Variants in ROBO1 observed in about 807,000 individuals in gnomAD.
The protein encoded by ROBO1 is roundabout guidance receptor 1, also known as roundabout homolog 1.
Under a neutral mutation model 195.9 loss-of-function variants are expected in ROBO1, and 149 were observed. That is an observed-to-expected ratio of 0.76 (90% CI 0.67 to 0.87). The LOEUF (loss-of-function observed/expected upper bound fraction) is 0.87. ROBO1 is among the 40% of genes least tolerant of loss of function. The probability of loss-of-function intolerance (pLI) is 0.00; values close to 1 mark genes in which losing one functional copy is unlikely to be tolerated. For missense variants in ROBO1, 1,933 were observed against 2,068.3 expected (o/e 0.93, Z 1.27); for synonymous variants, 816 against 733.2 (o/e 1.11, Z -1.82).
intron 24 of ROBO1, among the ~76,000 whole-genome samples, chr3:78,633,572 G>A (rs537334062): frequency 3.3e-5 from 5 of 152,116 alleles, no homozygotes; most frequent in Admixed American, 6.6e-5. Context: ...TTATAGGCTC[G>A]TTTCAAATGG....
At chr3:79,490,137 AT>A (rs1365323851) in intron 2 of ROBO1, among the ~76,000 whole-genome samples, 2 of 152,114 alleles carry the variant, frequency 1.3e-5, no homozygotes, top group South Asian at 2.1e-4. Flanking sequence ...CTTTCCTATA[AT>A]TTCCGTGGTT....
rs187515867 is a variant in ROBO1, at chr3:79,117,836, G to C, written c.172+7620C>G. On this transcript the variant is annotated intron_variant, in intron 3 of 30. Coordinates refer to ENST00000464233, the MANE Select transcript of ROBO1 (RefSeq NM_002941.4). ...ATGATAGTGAAAAAAATATTTACAG[G>C]AATAAGTACAAGGAGAAAAATTCAT... Among the ~76,000 whole-genome samples the C allele has an allele frequency of 5.1e-3, 779 of 152,178 alleles. 1 individual carries two copies. The highest frequency in any genetic ancestry group is 8.6e-3 in the Non-Finnish European group (584 of 67,998).
chr3:78,743,875 T>C (rs2082592363), intron 5 of ROBO1, among the ~76,000 whole-genome samples: 1 of 152,006 alleles, frequency 6.6e-6, no homozygotes, highest in Admixed American at 6.6e-5. Flanking sequence ...GCTGAAAAAG[T>C]CAAACAGGTC....
At chr3:78,945,769 G>A (rs2040400376) in intron 3 of ROBO1, among the ~76,000 whole-genome samples, 1 of 152,120 alleles carries the variant, frequency 6.6e-6, no homozygotes, top group East Asian at 1.9e-4. Context: ...TAAAAGCTTT[G>A]AAAAAATATT....
chr3:79,313,973 G>T (rs1297109680), intron 2 of ROBO1, among the ~76,000 whole-genome samples: 1 of 152,054 alleles, frequency 6.6e-6, no homozygotes, highest in Non-Finnish European at 1.5e-5. Flanking sequence ...AGCAGCTTAG[G>T]CATTATTTAT....
intron 1 of ROBO1, among the ~76,000 whole-genome samples, chr3:79,601,968 T>A (rs1021435422): frequency 6.6e-6 from 1 of 151,988 alleles, no homozygotes; most frequent in African/African-American, 2.4e-5. Flanking sequence ...AACTATGTTT[T>A]TATAGCTATT....
At chr3:79,059,136 T>C (rs114508740) in intron 3 of ROBO1, among the ~76,000 whole-genome samples, 5,987 of 152,226 alleles carry the variant, frequency 0.039, 161 homozygotes, top group South Asian at 0.097. Flanking sequence ...TTCAGATTTC[T>C]TCATCACCCC....
intron 1 of ROBO1, among the ~76,000 whole-genome samples, chr3:79,672,920 G>T (rs1422496755): frequency 6.6e-6 from 1 of 151,972 alleles, no homozygotes; most frequent in East Asian, 1.9e-4. Flanking sequence ...GAAGCTCAGA[G>T]TGATAGCCTG....
intron 2 of ROBO1, among the ~76,000 whole-genome samples, chr3:79,467,739 G>A (rs1194519996): frequency 1.3e-5 from 2 of 152,102 alleles, no homozygotes; most frequent in East Asian, 3.9e-4. Context: ...AAGAACCTGG[G>A]TAGCAAGTGG....
At chr3:79,598,739 A>G (rs779118792) in intron 1 of ROBO1, among the ~76,000 whole-genome samples, 4 of 151,866 alleles carry the variant, frequency 2.6e-5, no homozygotes, top group Non-Finnish European at 5.9e-5. Context: ...GCAAGCTTAG[A>G]TCCCCCTACT....
At chr3:78,618,939 G>C (rs917510909) in intron 26 of ROBO1, among the ~76,000 whole-genome samples, 1 of 152,140 alleles carries the variant, frequency 6.6e-6, no homozygotes, top group East Asian at 1.9e-4. Flanking sequence ...ATAGATGACC[G>C]AGAAGGTATA....
chr3:78,675,900 G>A (rs571152216), intron 10 of ROBO1, among the ~76,000 whole-genome samples: 29 of 152,168 alleles, frequency 1.9e-4, no homozygotes, highest in African/African-American at 6.7e-4. Context: ...CCTGACCCCC[G>A]AGCAGCCTAA....
chr3:78,947,545 G>A (rs2040515376), intron 3 of ROBO1, among the ~76,000 whole-genome samples: 1 of 152,132 alleles, frequency 6.6e-6, no homozygotes, highest in Admixed American at 6.5e-5. Context: ...GAAATTTATA[G>A]CACTAAATGC....
At chr3:79,756,621 C>G (rs1704420023) in intron 1 of ROBO1, among the ~76,000 whole-genome samples, 1 of 150,560 alleles carries the variant, frequency 6.6e-6, no homozygotes, top group East Asian at 1.9e-4. Context: ...AAAAATGATT[C>G]CATAATAAAT....
intron 2 of ROBO1, among the ~76,000 whole-genome samples, chr3:79,303,362 C>T (rs1006043484): frequency 7.2e-5 from 11 of 151,868 alleles, no homozygotes; most frequent in Non-Finnish European, 1.5e-4. Context: ...GACGGGGTTT[C>T]GCCACGTTGG....
At chr3:79,209,472 A>G (rs1381244121) in intron 2 of ROBO1, among the ~76,000 whole-genome samples, 1 of 151,254 alleles carries the variant, frequency 6.6e-6, no homozygotes, top group Non-Finnish European at 1.5e-5. Context: ...TGTTTTTTTT[A>G]TTTTTTTATA....
rs546264415 is a variant in ROBO1 at position 79,262,271 on chromosome 3, A to G, written c.89-136732T>C. Among the ~76,000 whole-genome samples the G allele has an allele frequency of 1.5e-3, 233 of 152,202 alleles. 1 individual carries two copies. Among genetic ancestry groups the G allele is most frequent in the African/African-American group, 5.3e-3 (220 of 41,568 alleles). On this transcript the variant is annotated intron_variant, in intron 2 of 30. Transcript: ENST00000464233. ...TTTTGCTCTAGAAAATCAGCAGGAAATGGGGGCTCTTCACTTTGGCTTCAC... is the reference window on the plus strand; with the variant it reads ...TTTTGCTCTAGAAAATCAGCAGGAAGTGGGGGCTCTTCACTTTGGCTTCAC...
intron 1 of ROBO1, among the ~76,000 whole-genome samples, chr3:79,740,552 G>A (rs951174999): frequency 4.6e-5 from 7 of 152,104 alleles, no homozygotes; most frequent in Admixed American, 3.9e-4. Context: ...TCTTCACAGG[G>A]TGGCAGGACT....
chr3:78,854,872 A>G (rs1482403462), intron 4 of ROBO1, among the ~76,000 whole-genome samples: 2 of 152,198 alleles, frequency 1.3e-5, no homozygotes, highest in East Asian at 3.9e-4. Flanking sequence ...TTTAGAAAAC[A>G]TAGGACAAAC....
Sources: allele counts gnomAD v4.1 joint callset (sites outside exome capture counted in the v4.1 genomes callset), GRCh38; gene constraint gnomAD v4.1.1; transcripts MANE v1.5; gene names NCBI Gene and HGNC (gene_info 2026-07-23, HGNC 2026-07-21).